The following MAST2 variants were observed in gnomAD, a reference collection of about 807,000 sequenced individuals.
The protein encoded by MAST2 is microtubule associated serine/threonine kinase 2.
In MAST2, 70 loss-of-function variants were observed where a neutral mutation model predicts 147.4. The ratio of observed to expected loss-of-function variants is 0.47; its 90% CI spans 0.39 to 0.58. The LOEUF is 0.58. Among genes scored for constraint, MAST2 ranks in the 20% least tolerant of loss-of-function variants. MAST2 has a pLI of 0.00. For synonymous variants in MAST2, 869 were observed against 896.8 expected (o/e 0.97, Z 0.55); for missense variants, 2,080 against 2,302.3 (o/e 0.90, Z 1.98).
chr1:45,857,473 TC>T (rs1474419711), intron 3 of MAST2, among the ~76,000 whole-genome samples: 2 of 152,194 alleles, frequency 1.3e-5, no homozygotes, highest in Non-Finnish European at 2.9e-5. Flanking sequence ...TGAAAAAGAA[TC>T]CTTTGTTGAG....
chr1:46,023,071 G>C lies in MAST2; in HGVS notation c.1485+100G>C. 3 of 1,302,256 alleles carry C rather than the reference G, an allele frequency of 2.3e-6. No individual in the cohort carries two copies. The highest frequency in any genetic ancestry group is 3.3e-6 in the Non-Finnish European group (3 of 902,496). The allele number at this position is 1,302,256 out of a possible 1,614,324, so 80.7% of individuals were successfully genotyped here. A position where few individuals can be genotyped will look rare whatever the true frequency, so the allele number is the denominator to read the frequency against. The stretch of plus-strand genomic sequence containing the variant: ...GAGAATATCTGAGGAAGGGATGGGG[G>C]AGTTGGTGACAGCAAACACTGAGAA... On this transcript the variant is annotated intron_variant, in intron 13 of 28. Coordinates refer to ENST00000361297, the MANE Select transcript of MAST2 (RefSeq NM_015112.3). The surrounding 1 kb of genome is among the most constrained non-coding windows in gnomAD (Gnocchi z 4.9).
intron 9 of MAST2, among the ~76,000 whole-genome samples, chr1:46,010,098 A>G (rs1264229634): frequency 6.6e-6 from 1 of 152,192 alleles, no homozygotes; most frequent in Non-Finnish European, 1.5e-5. Context: ...AGGTTCACTA[A>G]GCAGCTCTCC....
intron 4 of MAST2, among the ~76,000 whole-genome samples, chr1:45,916,704 T>C (rs1366204093): frequency 6.6e-6 from 1 of 152,210 alleles, no homozygotes; most frequent in Non-Finnish European, 1.5e-5. Flanking sequence ...GAAGTTTTAG[T>C]CATTGAATAT....
At chr1:45,824,751 A>G (rs1371589892) in intron 2 of MAST2, among the ~76,000 whole-genome samples, 171 bp downstream of exon 2, 1 of 152,190 alleles carries the variant, frequency 6.6e-6, no homozygotes, top group African/African-American at 2.4e-5. Flanking sequence ...GGAATCTCTG[A>G]TTGCTAACCT....
chr1:45,983,462 T>C (rs1189473338), intron 5 of MAST2, among the ~76,000 whole-genome samples: 1 of 151,774 alleles, frequency 6.6e-6, no homozygotes, highest in Non-Finnish European at 1.5e-5. Flanking sequence ...CTCTATTCTG[T>C]CCATTCTAAA....
chr1:45,847,463 A>T (rs1017798736), intron 3 of MAST2: 2 of 624,218 alleles, frequency 3.2e-6, no homozygotes. Context: ...CACCAATAAG[A>T]TTGAAACACA....
intron 13 of MAST2, 24 bp downstream of exon 13, chr1:46,022,995 C>A (rs375207657): frequency 1.1e-4 from 176 of 1,605,132 alleles, no homozygotes; most frequent in Non-Finnish European, 1.5e-4. Context: ...GCTCCTACCC[C>A]ATTCCTGGAG....
At chr1:46,026,392 A>G (rs993165332) in intron 16 of MAST2, among the ~76,000 whole-genome samples, 2 of 152,218 alleles carry the variant, frequency 1.3e-5, no homozygotes, top group African/African-American at 4.8e-5. Context: ...GAGAGTAGTA[A>G]GAGAAAAGGC....
At chr1:45,941,175 A>G (rs2148799741) in intron 4 of MAST2, among the ~76,000 whole-genome samples, 1 of 152,326 alleles carries the variant, frequency 6.6e-6, no homozygotes, top group South Asian at 2.1e-4. Flanking sequence ...GCTCCAATTC[A>G]TATAATCAGT....
intron 3 of MAST2, among the ~76,000 whole-genome samples, chr1:45,851,336 G>T (rs1303452099): frequency 6.6e-6 from 1 of 152,072 alleles, no homozygotes; most frequent in Admixed American, 6.6e-5. Flanking sequence ...TCTTAAAACT[G>T]GGAAGCCATT....
intron 3 of MAST2, among the ~76,000 whole-genome samples, chr1:45,879,591 A>AAAG (rs1646756901): frequency 6.8e-6 from 1 of 147,420 alleles, no homozygotes. Flanking sequence ...AAAAAAAAAA[A>AAAG]GGCACCACCA....
chr1:45,965,179 G>A (rs1660994420), intron 5 of MAST2, among the ~76,000 whole-genome samples: 1 of 152,172 alleles, frequency 6.6e-6, no homozygotes, highest in African/African-American at 2.4e-5. Flanking sequence ...GTGGTGCTGG[G>A]AAGAATGTAT....
intron 3 of MAST2, among the ~76,000 whole-genome samples, chr1:45,864,888 T>G (rs1440073785): frequency 6.6e-6 from 1 of 152,232 alleles, no homozygotes; most frequent in East Asian, 1.9e-4. Flanking sequence ...TTGGCAGTGC[T>G]TCAGATGAGA....
intron 7 of MAST2, among the ~76,000 whole-genome samples, chr1:46,004,094 G>A (rs1239802824): frequency 6.6e-6 from 1 of 152,162 alleles, no homozygotes; most frequent in African/African-American, 2.4e-5. Context: ...GCCAGGCGCA[G>A]TGGCTCACAC....
intron 10 of MAST2, among the ~76,000 whole-genome samples, chr1:46,016,038 T>C (rs12729597): frequency 0.66 from 99,374 of 150,874 alleles, 33,079 homozygotes; most frequent in Non-Finnish European, 0.71. Flanking sequence ...AATCAATAAA[T>C]GTAATCCAGC....
intron 3 of MAST2, among the ~76,000 whole-genome samples, chr1:45,839,252 C>T (rs1427691646): frequency 6.6e-6 from 1 of 152,032 alleles, no homozygotes; most frequent in Non-Finnish European, 1.5e-5. Flanking sequence ...CCTCAGCCTC[C>T]CCAGTAGCTG....
At chr1:45,884,194 CCT>C (rs890521433) in intron 4 of MAST2, among the ~76,000 whole-genome samples, 32 of 152,092 alleles carry the variant, frequency 2.1e-4, no homozygotes, top group African/African-American at 7.2e-4. Context: ...GATTTTCCCT[CCT>C]CTTTTTTGAT....
At position 45,868,328 on chromosome 1, in the gene MAST2, T is replaced by C. The variant is rs183533942; in HGVS notation, c.469-14036T>C. 3.3e-5 allele frequency among the ~76,000 whole-genome samples: 5 copies of C among 152,348 alleles called. No individual in the cohort carries two copies. In the East Asian group the frequency reaches 7.7e-4, roughly 23 times the overall value. ...ATTTTAACTTTGAAAGGTCAGGGAC[T>C]AGCCACCATAAGCAAATTTTTGTTA... On this transcript the variant is annotated intron_variant, in intron 3 of 28. Transcript: ENST00000361297.
At chr1:45,832,041 A>C (rs1644974091) in intron 3 of MAST2, among the ~76,000 whole-genome samples, 1 of 152,078 alleles carries the variant, frequency 6.6e-6, no homozygotes, top group Non-Finnish European at 1.5e-5. Flanking sequence ...CGGCCTCTCA[A>C]AGTGCTGGGA....
Sources: allele counts gnomAD v4.1 joint callset (sites outside exome capture counted in the v4.1 genomes callset), GRCh38; gene constraint gnomAD v4.1.1; non-coding constraint Gnocchi (gnomAD v3.1); transcripts MANE v1.5; gene names NCBI Gene and HGNC (gene_info 2026-07-23, HGNC 2026-07-21).